The following FBXL17 variants were observed in gnomAD, a reference collection of about 807,000 sequenced individuals.
The protein encoded by FBXL17 is F-box and leucine rich repeat protein 17, also known as F-box/LRR-repeat protein 17.
Under a neutral mutation model 66.2 loss-of-function variants are expected in FBXL17, and 22 were observed. The ratio of observed to expected loss-of-function variants is 0.33; its 90% confidence interval spans 0.24 to 0.47. FBXL17 has a LOEUF of 0.47. Among genes scored for constraint, FBXL17 ranks in the 20% least tolerant of loss-of-function variants. FBXL17 has a pLI of 1.00. For missense variants in FBXL17, 878 were observed against 948.2 expected (o/e 0.93, Z 0.97); for synonymous variants, 474 against 400.5 (o/e 1.18, Z -2.19).
At chr5:107,965,835 A>C (rs1205308557) in intron 7 of FBXL17, among the ~76,000 whole-genome samples, 2 of 152,174 alleles carry the variant, frequency 1.3e-5, no homozygotes, top group Non-Finnish European at 2.9e-5. Context: ...ATATGTTCCC[A>C]ATACAAATAT....
At chr5:108,343,192 A>G (rs1237926859) in intron 4 of FBXL17, among the ~76,000 whole-genome samples, 1 of 152,224 alleles carries the variant, frequency 6.6e-6, no homozygotes. Context: ...TAAGTTATCC[A>G]GTTTATAGTA....
chr5:108,033,459 A>G (rs1378671328), intron 6 of FBXL17, among the ~76,000 whole-genome samples: 2 of 152,110 alleles, frequency 1.3e-5, no homozygotes, highest in Non-Finnish European at 1.5e-5. Context: ...AACAAGATCT[A>G]GAGTATTCCT....
chr5:107,880,969 G>C (rs545791517), intron 8 of FBXL17, 68 bp downstream of exon 8: 12 of 1,612,638 alleles, frequency 7.4e-6, no homozygotes, highest in Non-Finnish European at 1.0e-5. Context: ...GAAGGAGAGA[G>C]GATATGACAT....
At chr5:108,110,171 CACTT>C (rs1348325958) in intron 6 of FBXL17, among the ~76,000 whole-genome samples, 2 of 152,112 alleles carry the variant, frequency 1.3e-5, no homozygotes, top group Admixed American at 6.5e-5. Context: ...CATTCTCACT[CACTT>C]GTTTTAAAAT....
chr5:108,023,954 C>A lies in FBXL17; in HGVS notation c.1746-2953G>T, dbSNP rs188248428. ...TTCATCACCTTTCTTACAGATACTA[C>A]ATAGAAGAACATTCATTAATCATAG... On this transcript the variant is annotated intron_variant, in intron 6 of 8. Transcript: ENST00000542267. Among the ~76,000 whole-genome samples, 355 of 152,292 alleles carry A rather than the reference C, an allele frequency of 2.3e-3. 1 individual carries two copies. The highest frequency in any genetic ancestry group is 8.1e-3 in the African/African-American group (336 of 41,574).
At chr5:108,141,275 G>C (rs1210625297) in intron 6 of FBXL17, among the ~76,000 whole-genome samples, 2 of 152,088 alleles carry the variant, frequency 1.3e-5, no homozygotes, top group East Asian at 3.9e-4. Context: ...TCCCTTCTTA[G>C]TGAAACCATC....
At chr5:108,195,873 A>G (rs1357341952) in intron 5 of FBXL17, among the ~76,000 whole-genome samples, 1 of 152,124 alleles carries the variant, frequency 6.6e-6, no homozygotes, top group Non-Finnish European at 1.5e-5. Flanking sequence ...TTTTGGTTTG[A>G]GCAATCAGAA....
At chr5:108,154,084 A>G (rs1252675231) in intron 6 of FBXL17, among the ~76,000 whole-genome samples, 1 of 152,086 alleles carries the variant, frequency 6.6e-6, no homozygotes, top group Non-Finnish European at 1.5e-5. Context: ...CTGGGACATC[A>G]GGTAAATGGT....
chr5:107,971,964 G>A (rs530455137), intron 7 of FBXL17, among the ~76,000 whole-genome samples: 1 of 152,266 alleles, frequency 6.6e-6, no homozygotes, highest in South Asian at 2.1e-4. Context: ...GCAATTCTGT[G>A]TACTTATTAT....
At chr5:108,222,146 G>C (rs1380463094) in intron 5 of FBXL17, among the ~76,000 whole-genome samples, 1 of 152,180 alleles carries the variant, frequency 6.6e-6, no homozygotes. Flanking sequence ...TTTTATCACA[G>C]AGAATAATTG....
chr5:107,916,316 G>C (rs1161585940), intron 7 of FBXL17, among the ~76,000 whole-genome samples: 2 of 152,192 alleles, frequency 1.3e-5, no homozygotes, highest in East Asian at 3.8e-4. Context: ...GGTTGGGAAT[G>C]CTCTTTGTTG....
At chr5:108,074,659 T>G (rs777444485) in intron 6 of FBXL17, among the ~76,000 whole-genome samples, 3 of 152,228 alleles carry the variant, frequency 2.0e-5, no homozygotes, top group African/African-American at 7.2e-5. Context: ...CTCTTCTGCC[T>G]TTTCTGTCTT....
At chr5:108,219,651 T>A (rs937558115) in intron 5 of FBXL17, among the ~76,000 whole-genome samples, 1 of 151,844 alleles carries the variant, frequency 6.6e-6, no homozygotes, top group Non-Finnish European at 1.5e-5. Flanking sequence ...CCCATTACAC[T>A]CCAGCCTGGG....
chr5:108,356,255 A>G (rs1222046218), intron 3 of FBXL17, among the ~76,000 whole-genome samples: 1 of 152,174 alleles, frequency 6.6e-6, no homozygotes, highest in Non-Finnish European at 1.5e-5. Context: ...TGACAGAACT[A>G]GAAGGAGAAA....
Position 108,334,622 on chromosome 5 carries a change from G to C in FBXL17, c.1506+13777C>G, listed in dbSNP as rs78134739. Among the ~76,000 whole-genome samples the C allele has an allele frequency of 3.5e-3, 534 of 152,316 alleles. 4 individuals are homozygous for C. The highest frequency in any genetic ancestry group is 0.012 in the African/African-American group (510 of 41,578). On this transcript the variant is annotated intron_variant, in intron 4 of 8. Transcript: ENST00000542267. ...ACCAACTGTGAAACCAAGCCTTCTT[G>C]AATGTGTATCTTTTATTTTCGCTTC...
At chr5:108,140,528 T>A (rs1465946116) in intron 6 of FBXL17, among the ~76,000 whole-genome samples, 1 of 152,172 alleles carries the variant, frequency 6.6e-6, no homozygotes. Context: ...AAATGATTCA[T>A]CCTCTTCATT....
intron 6 of FBXL17, among the ~76,000 whole-genome samples, chr5:108,126,662 T>TATAC (rs1426169559): frequency 1.2e-4 from 14 of 119,432 alleles, no homozygotes; most frequent in African/African-American, 4.0e-4. Context: ...TATATATATA[T>TATAC]ACATATATAT....
intron 7 of FBXL17, among the ~76,000 whole-genome samples, chr5:107,987,876 T>C (rs1204651043): frequency 6.6e-6 from 1 of 152,018 alleles, no homozygotes; most frequent in Non-Finnish European, 1.5e-5. Flanking sequence ...TTTGGCCATG[T>C]TGAATTCATT....
chr5:108,098,645 T>C (rs946259110), intron 6 of FBXL17, among the ~76,000 whole-genome samples: 6 of 150,218 alleles, frequency 4.0e-5, no homozygotes, highest in Non-Finnish European at 5.9e-5. Context: ...CTCGGGAGGC[T>C]GAGGCAGGAA....
Sources: gnomAD v4.1 joint callset for allele counts (sites outside exome capture counted in the v4.1 genomes callset) on GRCh38, gnomAD v4.1.1 for gene constraint, MANE v1.5 for transcripts, NCBI Gene and HGNC (gene_info 2026-07-23, HGNC 2026-07-21) for gene names.